TTC7B: variants seen among roughly 807,000 people sequenced by gnomAD.
TTC7B encodes tetratricopeptide repeat domain 7B.
A neutral mutation model predicts 106.8 loss-of-function variants in TTC7B; 28 were observed. The ratio of observed to expected loss-of-function variants is 0.26; its 90% CI spans 0.19 to 0.36. The LOEUF (loss-of-function observed/expected upper bound fraction) is 0.36. Among genes scored for constraint, TTC7B ranks in the 10% least tolerant of loss-of-function variants. The pLI is 1.00. For missense variants in TTC7B, 862 were observed against 1,076.4 expected, an observed-to-expected ratio of 0.80 and a Z score of 2.79; for synonymous variants, 405 against 430.6, an observed-to-expected ratio of 0.94 and a Z score of 0.74.
intron 1 of TTC7B, among the ~76,000 whole-genome samples, chr14:90,786,772 G>C (rs1037318861): frequency 1.3e-5 from 2 of 151,996 alleles, no homozygotes; most frequent in African/African-American, 4.8e-5. Context: ...GTAAAAACAG[G>C]GTTTCACCAT....
chr14:90,731,276 A>G (rs937949574), intron 4 of TTC7B, among the ~76,000 whole-genome samples: 4 of 152,170 alleles, frequency 2.6e-5, no homozygotes, highest in African/African-American at 7.2e-5. Flanking sequence ...TAAACTCACA[A>G]GTCAAAGCAT....
intron 5 of TTC7B, among the ~76,000 whole-genome samples, chr14:90,727,985 T>C (rs947265797): frequency 1.3e-5 from 2 of 152,132 alleles, no homozygotes; most frequent in African/African-American, 2.4e-5. Context: ...GCTGTGGCCC[T>C]CAGGCCCTGC....
intron 16 of TTC7B, among the ~76,000 whole-genome samples, chr14:90,617,407 T>G (rs1893130376): frequency 6.6e-6 from 1 of 152,250 alleles, no homozygotes; most frequent in East Asian, 1.9e-4. Flanking sequence ...CTGCATTAGT[T>G]AATAAGGTAA....
In TTC7B at chr14:90,534,664, A is replaced by T. The variant is rs916685079; in HGVS notation, c.*6704T>A. The T allele has an allele frequency of 6.6e-6, 1 of 152,236 alleles. No homozygotes were observed. The highest frequency in any genetic ancestry group is 6.5e-5 in the Admixed American group (1 of 15,278). The allele number at this position is 152,236 out of a possible 1,614,324, so 9.4% of individuals were successfully genotyped here. ...CGAGTGGCAGGGGCCGAGCGCTGGG[A>T]GGGTATGGGGGCATTGGAGGGAGAC... is the stretch of plus-strand genomic sequence containing the variant. On this transcript the variant is annotated 3_prime_UTR_variant, in exon 20 of 20. Transcript: ENST00000328459.
chr14:90,689,262 T>C (rs1887370654), intron 7 of TTC7B, among the ~76,000 whole-genome samples: 1 of 152,116 alleles, frequency 6.6e-6, no homozygotes, highest in South Asian at 2.1e-4. Context: ...TTATAATAAA[T>C]GGAAAGAAAA....
chr14:90,587,787 A>C (rs1011437071), intron 18 of TTC7B, among the ~76,000 whole-genome samples: 1 of 152,096 alleles, frequency 6.6e-6, no homozygotes, highest in African/African-American at 2.4e-5. Context: ...TTGACAACTG[A>C]GTGCCTACTG....
intron 3 of TTC7B, among the ~76,000 whole-genome samples, chr14:90,745,313 A>AAGAAG (rs1555395558): frequency 5.1e-5 from 7 of 136,068 alleles, no homozygotes; most frequent in South Asian, 2.2e-4. Flanking sequence ...AAAAAAAAAA[A>AAGAAG]AAGAAGAAGA....
chr14:90,625,347 T>A (rs1884393881), intron 15 of TTC7B, among the ~76,000 whole-genome samples: 1 of 152,186 alleles, frequency 6.6e-6, no homozygotes, highest in Non-Finnish European at 1.5e-5. Flanking sequence ...ACCCAGGCCC[T>A]CAGCAGGGAG....
chr14:90,812,462 C>T (rs2030949276), intron 1 of TTC7B, among the ~76,000 whole-genome samples: 2 of 152,264 alleles, frequency 1.3e-5, no homozygotes, highest in South Asian at 4.1e-4. Context: ...TTCTCTGAGT[C>T]CCCCAAACCC....
chr14:90,780,262 TC>T (rs1248199920), intron 3 of TTC7B, among the ~76,000 whole-genome samples: 3 of 151,896 alleles, frequency 2.0e-5, no homozygotes, highest in African/African-American at 7.3e-5. Flanking sequence ...ATGCCTGTAA[TC>T]CCAGCTACTC....
intron 9 of TTC7B, among the ~76,000 whole-genome samples, chr14:90,669,751 G>A (rs1434338980): frequency 6.6e-6 from 1 of 152,152 alleles, no homozygotes; most frequent in East Asian, 1.9e-4. Flanking sequence ...CTACCAGAAT[G>A]TCTATATTAA....
chr14:90,638,546 A>T (rs564637024), intron 15 of TTC7B, among the ~76,000 whole-genome samples: 1 of 152,340 alleles, frequency 6.6e-6, no homozygotes, highest in South Asian at 2.1e-4. Context: ...AAATGGGCAA[A>T]ATATTTATTA....
At chr14:90,633,454 C>T (rs184593061) in intron 15 of TTC7B, among the ~76,000 whole-genome samples, 1 of 152,196 alleles carries the variant, frequency 6.6e-6, no homozygotes, top group Non-Finnish European at 1.5e-5. Context: ...GAGAATGCAA[C>T]CTTTCAGTAA....
rs750776850 is a variant in TTC7B, at chr14:90,816,175, C to A, written c.121G>T (p.Asp41Tyr). ...KQLSAKLIAN[D>Y]DMAELLLGES... ...CCAGGCCGGCGCGCCCGGAGCGTAC[C>A]GTTGGCGATGAGCTTGGCCGACAGC... Residue 41 changes from aspartate to tyrosine, a missense_variant and splice_region_variant, in exon 1 of 20, where the codon GAT becomes TAT. Physicochemically the swap from Asp to Tyr is radical, Grantham distance 160 (BLOSUM62 -3). Coordinates refer to ENST00000328459, the MANE Select transcript of TTC7B (RefSeq NM_001010854.2). The A allele has an allele frequency of 1.7e-5, 21 of 1,244,840 alleles. No homozygotes were observed. In the South Asian group the frequency reaches 2.8e-4, roughly 17 times the overall value. The allele number at this position is 1,244,840 out of a possible 1,614,324, so 77.1% of individuals were successfully genotyped here. A position where few individuals can be genotyped will look rare whatever the true frequency, so the allele number is the denominator to read the frequency against.
chr14:90,695,586 G>A lies in TTC7B; in HGVS notation c.699-8C>T. 6.3e-7 allele frequency: 1 copy of A among 1,583,730 alleles called. No individual in the cohort carries two copies. On this transcript the variant is annotated splice_region_variant and splice_polypyrimidine_tract_variant and intron_variant, in intron 5 of 19. Transcript: ENST00000328459. ...ACTCCTCTTGTCAAGTTCCTGTGTG[G>A]ACACAGAATTTGACGGTTTTCATCT...
chr14:90,773,335 C>T (rs896644522), intron 3 of TTC7B, among the ~76,000 whole-genome samples: 2 of 152,194 alleles, frequency 1.3e-5, no homozygotes, highest in Non-Finnish European at 2.9e-5. Context: ...AGCAGGTTAT[C>T]TCACACCAGA....
chr14:90,767,902 G>A (rs1379358258), intron 3 of TTC7B, among the ~76,000 whole-genome samples: 1 of 152,162 alleles, frequency 6.6e-6, no homozygotes, highest in Admixed American at 6.5e-5. Flanking sequence ...AAGATATTAA[G>A]TGAAAAGTAC....
intron 1 of TTC7B, among the ~76,000 whole-genome samples, chr14:90,795,385 G>T (rs1479728158): frequency 6.6e-6 from 1 of 152,218 alleles, no homozygotes; most frequent in African/African-American, 2.4e-5. Flanking sequence ...CGCAGGAAAG[G>T]CTTAAATCCC....
chr14:90,573,389 C>T (rs1286488), intron 19 of TTC7B, among the ~76,000 whole-genome samples: 15,473 of 147,850 alleles, frequency 0.1, 889 homozygotes, highest in East Asian at 0.21. Flanking sequence ...CACGGTCCCT[C>T]TCCGGCTCAC....
Sources: allele counts gnomAD v4.1 joint callset (sites outside exome capture counted in the v4.1 genomes callset), GRCh38; gene constraint gnomAD v4.1.1; transcripts MANE v1.5; gene names NCBI Gene and HGNC (gene_info 2026-07-23, HGNC 2026-07-21).